Variants in MYO1E observed in about 807,000 individuals in gnomAD.
The protein encoded by MYO1E is unconventional myosin-Ie.
Under a neutral mutation model 151.1 loss-of-function variants are expected in MYO1E, and 68 were observed. The ratio of observed to expected loss-of-function variants is 0.45; its 90% CI spans 0.37 to 0.55. The LOEUF (loss-of-function observed/expected upper bound fraction) is 0.55. MYO1E is among the 20% of genes least tolerant of loss of function. The pLI is 0.00. For missense variants in MYO1E, 1,363 were observed against 1,389.3 expected (o/e 0.98, Z 0.30); for synonymous variants, 601 against 501.7 (o/e 1.20, Z -2.64).
intron 1 of MYO1E, among the ~76,000 whole-genome samples, chr15:59,326,171 C>T (rs2080662723): frequency 1.3e-5 from 2 of 151,772 alleles, no homozygotes; most frequent in African/African-American, 4.8e-5. Context: ...ACCCAGACAG[C>T]TATGTATTTC....
At chr15:59,267,372 G>A (rs369486484) in intron 2 of MYO1E, among the ~76,000 whole-genome samples, 16 of 152,176 alleles carry the variant, frequency 1.1e-4, no homozygotes, top group Admixed American at 6.5e-5. Flanking sequence ...AACCACCTAC[G>A]CTGGTCGAGT....
At chr15:59,313,185 A>G (rs899503336) in intron 1 of MYO1E, among the ~76,000 whole-genome samples, 2 of 152,188 alleles carry the variant, frequency 1.3e-5, no homozygotes, top group Admixed American at 1.3e-4. Context: ...GAAACATTGA[A>G]ATCATCTCCA....
At chr15:59,367,613 G>A (rs2080921922) in intron 1 of MYO1E, among the ~76,000 whole-genome samples, 1 of 152,322 alleles carries the variant, frequency 6.6e-6, no homozygotes, top group East Asian at 1.9e-4. Context: ...CCTCTCTTTA[G>A]GGAGACCCAG....
At chr15:59,185,730 A>G (rs1280928878) in intron 18 of MYO1E, among the ~76,000 whole-genome samples, 1 of 152,202 alleles carries the variant, frequency 6.6e-6, no homozygotes, top group Non-Finnish European at 1.5e-5. Flanking sequence ...AAATAAATAA[A>G]ATTTAAAAAT....
At chr15:59,359,832 G>C (rs572188021) in intron 1 of MYO1E, 1 of 152,310 alleles carries the variant, frequency 6.6e-6, no homozygotes, top group Non-Finnish European at 1.5e-5. Context: ...TCAGTGGCTG[G>C]AGATGCCTAC....
chr15:59,272,316 T>G lies in MYO1E; in HGVS notation c.137A>C (p.Asp46Ala). ...GCCAATAAAGGATACAAAAATGTAG[T>G]CATCCATGTATCTCTTCTTCAGATT... ...VENLKKRYMDDYIFTYIGSVL... is the reference protein window; with the variant it reads ...VENLKKRYMDAYIFTYIGSVL... The change falls in exon 2 of 28, where the codon GAC (aspartate) becomes GCC (alanine). Residue 46 changes from aspartate to alanine, a missense_variant. Coordinates refer to ENST00000288235, the MANE Select transcript of MYO1E (RefSeq NM_004998.4). 6.2e-7 allele frequency: 1 copy of G among 1,614,104 alleles called. No individual in the cohort carries two copies. Among genetic ancestry groups the G allele is most frequent in the Non-Finnish European group, 8.5e-7 (1 of 1,179,966 alleles).
chr15:59,254,262 A>G (rs549673017), intron 4 of MYO1E, among the ~76,000 whole-genome samples: 4 of 152,138 alleles, frequency 2.6e-5, no homozygotes, highest in Admixed American at 2.0e-4. Context: ...AGCACAGCTC[A>G]CTGTAATCTC....
chr15:59,216,691 TACACACACACACAC>T (rs199582846), intron 10 of MYO1E, among the ~76,000 whole-genome samples: 18 of 56,536 alleles, frequency 3.2e-4, no homozygotes, highest in African/African-American at 5.8e-4. Flanking sequence ...TATATACACA[TACACACACACACAC>T]ACACACACAC....
At position 59,136,846 on chromosome 15, in the gene MYO1E, G is replaced by A; in HGVS notation, c.*534C>T. The A allele has an allele frequency of 2.2e-6, 1 of 447,648 alleles. No homozygotes were observed. Among genetic ancestry groups the A allele is most frequent in the South Asian group, 1.6e-5 (1 of 63,800 alleles). The allele number at this position is 447,648 out of a possible 1,614,324, so 27.7% of individuals were successfully genotyped here. ...CCCCTCTGTCGCCCTGGGCTCAGCA[G>A]GCCAGCTTACCCTTGGCACGTACAT... On this transcript the variant is annotated 3_prime_UTR_variant, in exon 28 of 28. Coordinates refer to ENST00000288235, the MANE Select transcript of MYO1E (RefSeq NM_004998.4).
At chr15:59,189,857 A>C (rs1367515077) in intron 17 of MYO1E, among the ~76,000 whole-genome samples, 2 of 152,238 alleles carry the variant, frequency 1.3e-5, no homozygotes, top group African/African-American at 4.8e-5. Context: ...AACAGTAAAA[A>C]TCTAGCAATG....
At chr15:59,309,481 A>G (rs370511852) in intron 1 of MYO1E, among the ~76,000 whole-genome samples, 86 of 152,362 alleles carry the variant, frequency 5.6e-4, no homozygotes, top group African/African-American at 2.0e-3. Context: ...CTACTGAAGA[A>G]TAACAGGACA....
chr15:59,242,744 T>A (rs2080107634), intron 4 of MYO1E, among the ~76,000 whole-genome samples: 1 of 152,176 alleles, frequency 6.6e-6, no homozygotes, highest in African/African-American at 2.4e-5. Context: ...ATAAAATTAA[T>A]TTAATGAGAA....
At chr15:59,300,619 C>T (rs576061966) in intron 1 of MYO1E, among the ~76,000 whole-genome samples, 7 of 152,082 alleles carry the variant, frequency 4.6e-5, no homozygotes, top group Non-Finnish European at 5.9e-5. Flanking sequence ...GGAAGCTGAA[C>T]GCTGGTGCAC....
chr15:59,307,710 A>G (rs1410727164), intron 1 of MYO1E, among the ~76,000 whole-genome samples: 1 of 151,990 alleles, frequency 6.6e-6, no homozygotes, highest in African/African-American at 2.4e-5. Flanking sequence ...TCCAGGGTTC[A>G]AGCCATTCTC....
chr15:59,295,380 G>C (rs2080442751), intron 1 of MYO1E, among the ~76,000 whole-genome samples: 1 of 152,142 alleles, frequency 6.6e-6, no homozygotes, highest in Non-Finnish European at 1.5e-5. Context: ...AACTGGACTA[G>C]AAAGGCGGAT....
chr15:59,296,024 A>G (rs1202340668), intron 1 of MYO1E, among the ~76,000 whole-genome samples: 1 of 152,194 alleles, frequency 6.6e-6, no homozygotes, highest in Non-Finnish European at 1.5e-5. Flanking sequence ...CCAGAGACAG[A>G]GAAAAAACAA....
intron 22 of MYO1E, among the ~76,000 whole-genome samples, chr15:59,168,867 C>A (rs1477050133): frequency 6.6e-6 from 1 of 152,192 alleles, no homozygotes; most frequent in Non-Finnish European, 1.5e-5. Context: ...AGCGAGCCTC[C>A]TGCCTTGGTC....
chr15:59,368,094 G>A (rs2080924657), intron 1 of MYO1E, among the ~76,000 whole-genome samples: 1 of 152,094 alleles, frequency 6.6e-6, no homozygotes, highest in Non-Finnish European at 1.5e-5. Flanking sequence ...ACTCCAGCCT[G>A]GGCGACAAGA....
chr15:59,218,179 G>A, intron 9 of MYO1E, 92 bp from the exon 10 acceptor site: 3 of 1,445,266 alleles, frequency 2.1e-6, no homozygotes, highest in Non-Finnish European at 1.9e-6. Context: ...ATGTGCACAT[G>A]CACGTGTGTG....
Sources: allele counts gnomAD v4.1 joint callset (sites outside exome capture counted in the v4.1 genomes callset), GRCh38; gene constraint gnomAD v4.1.1; transcripts MANE v1.5; gene names NCBI Gene and HGNC (gene_info 2026-07-23, HGNC 2026-07-21).